The following SAMD12 variants were observed in gnomAD, a reference collection of about 807,000 sequenced individuals.
The protein encoded by SAMD12 is sterile alpha motif domain containing 12.
Under a neutral mutation model 15.0 loss-of-function variants are expected in SAMD12, and 9 were observed. The observed-to-expected ratio is 0.60, with a 90% CI of 0.36 to 1.05. The LOEUF (loss-of-function observed/expected upper bound fraction) is 1.05, where lower values mean the gene tolerates loss of function less well. Ranked by LOEUF, SAMD12 falls within the 50% of genes least tolerant of loss-of-function variation. SAMD12 has a pLI of 0.01. For synonymous variants in SAMD12, 86 were observed against 90.1 expected (o/e 0.96, Z 0.25); for missense variants, 230 against 234.2 (o/e 0.98, Z 0.12).
At chr8:118,336,970 T>G (rs969124385) in intron 4 of SAMD12, among the ~76,000 whole-genome samples, 1 of 152,020 alleles carries the variant, frequency 6.6e-6, no homozygotes, top group Non-Finnish European at 1.5e-5. Context: ...ATGAGAGCAC[T>G]TGGACACAGG....
chr8:118,294,799 T>C (rs896744051), intron 4 of SAMD12, among the ~76,000 whole-genome samples: 5 of 152,232 alleles, frequency 3.3e-5, no homozygotes, highest in East Asian at 1.9e-4. Context: ...TCTCCTGTTA[T>C]GTGCTCTCTG....
At chr8:118,248,880 C>T (rs984099023) in intron 4 of SAMD12, among the ~76,000 whole-genome samples, 11 of 152,148 alleles carry the variant, frequency 7.2e-5, no homozygotes, top group African/African-American at 2.7e-4. Context: ...TAGGGACCAT[C>T]AGCTGAACAG....
At chr8:118,536,437 TACACAAACACACACAC>T (rs1189038355) in intron 2 of SAMD12, among the ~76,000 whole-genome samples, 3 of 128,172 alleles carry the variant, frequency 2.3e-5, no homozygotes, top group Admixed American at 7.6e-5. Flanking sequence ...TGTAGACTGA[TACACAAACACACACAC>T]ACACACACAC....
chr8:118,281,470 G>T (rs991315408), intron 4 of SAMD12, among the ~76,000 whole-genome samples: 13 of 152,174 alleles, frequency 8.5e-5, no homozygotes, highest in Non-Finnish European at 1.3e-4. Flanking sequence ...TCCAGAACAG[G>T]TATACAATCA....
At chr8:118,240,493 G>A (rs1220151687) in intron 4 of SAMD12, among the ~76,000 whole-genome samples, 1 of 152,008 alleles carries the variant, frequency 6.6e-6, no homozygotes, top group Non-Finnish European at 1.5e-5. Flanking sequence ...TGTAACCTCG[G>A]GCAACTCATT....
At chr8:118,520,469 T>C (rs1373991754) in intron 2 of SAMD12, among the ~76,000 whole-genome samples, 1 of 152,092 alleles carries the variant, frequency 6.6e-6, no homozygotes, top group Non-Finnish European at 1.5e-5. Flanking sequence ...AGGATGAGGA[T>C]AAAGCGGGTA....
intron 2 of SAMD12, among the ~76,000 whole-genome samples, chr8:118,460,144 T>A (rs1162610202): frequency 6.6e-6 from 1 of 152,216 alleles, no homozygotes; most frequent in South Asian, 2.1e-4. Flanking sequence ...TCACAAAGGA[T>A]CCATTCCCTC....
At chr8:118,443,346 C>A (rs1028219676) in intron 2 of SAMD12, among the ~76,000 whole-genome samples, 10 of 152,116 alleles carry the variant, frequency 6.6e-5, no homozygotes, top group African/African-American at 2.2e-4. Flanking sequence ...CACCTGTAAT[C>A]CCAGCTACGC....
intron 2 of SAMD12, among the ~76,000 whole-genome samples, chr8:118,491,103 T>C (rs924061199): frequency 6.6e-6 from 1 of 152,132 alleles, no homozygotes; most frequent in African/African-American, 2.4e-5. Context: ...TGTCCACCTG[T>C]CCAATGCATC....
At chr8:118,454,105 G>C (rs1163669478) in intron 2 of SAMD12, among the ~76,000 whole-genome samples, 1 of 152,094 alleles carries the variant, frequency 6.6e-6, no homozygotes, top group Non-Finnish European at 1.5e-5. Flanking sequence ...CTCTTTGCTG[G>C]AACATATTCA....
intron 3 of SAMD12, among the ~76,000 whole-genome samples, chr8:118,407,660 C>T (rs1038226968): frequency 5.9e-5 from 9 of 152,150 alleles, no homozygotes; most frequent in Non-Finnish European, 1.3e-4. Flanking sequence ...TTTGGAAAGA[C>T]AGTCAGTGAA....
intron 1 of SAMD12, among the ~76,000 whole-genome samples, chr8:118,587,735 A>G (rs1238295475): frequency 6.6e-6 from 1 of 152,216 alleles, no homozygotes; most frequent in African/African-American, 2.4e-5. Flanking sequence ...CTCTGACATC[A>G]TTGGGCTACT....
chr8:118,501,170 A>G (rs1824771695), intron 2 of SAMD12, among the ~76,000 whole-genome samples: 1 of 152,110 alleles, frequency 6.6e-6, no homozygotes, highest in Admixed American at 6.5e-5. Context: ...CCCTTTACCT[A>G]TTCTCTCTTC....
intron 4 of SAMD12, among the ~76,000 whole-genome samples, chr8:118,297,647 C>T (rs1212635045): frequency 2.0e-5 from 3 of 152,068 alleles, no homozygotes; most frequent in African/African-American, 4.8e-5. Flanking sequence ...GTCACAGGAA[C>T]GGCAGTGTTA....
intron 4 of SAMD12, among the ~76,000 whole-genome samples, chr8:118,272,416 T>A (rs1032033198): frequency 2.6e-5 from 4 of 152,132 alleles, no homozygotes; most frequent in African/African-American, 9.7e-5. Flanking sequence ...GGGCCTGTGA[T>A]GGGAGGGGCT....
At chr8:118,213,417 G>A (rs1724814966) in intron 4 of SAMD12, among the ~76,000 whole-genome samples, 1 of 152,220 alleles carries the variant, frequency 6.6e-6, no homozygotes, top group Non-Finnish European at 1.5e-5. Context: ...GAGGGCAACT[G>A]AGGTTATTCC....
At chr8:118,243,194 A>G (rs1317764874) in intron 4 of SAMD12, among the ~76,000 whole-genome samples, 1 of 152,168 alleles carries the variant, frequency 6.6e-6, no homozygotes, top group African/African-American at 2.4e-5. Context: ...ATGAAAAACG[A>G]TGAGGTCTTA....
At chr8:118,170,641 C>T in the SAMD12 span, among the ~76,000 whole-genome samples, 1 of 152,092 alleles carries the variant, frequency 6.6e-6, no homozygotes, top group African/African-American at 2.4e-5. Flanking sequence ...AAAACAATAA[C>T]ATGGGACTCT....
intron 2 of SAMD12, among the ~76,000 whole-genome samples, chr8:118,478,771 C>T (rs1824038595): frequency 1.3e-5 from 2 of 152,184 alleles, no homozygotes; most frequent in African/African-American, 4.8e-5. Context: ...TCACAGTCTC[C>T]ACTGCATTGA....
Sources: gnomAD v4.1 joint callset for allele counts (sites outside exome capture counted in the v4.1 genomes callset) on GRCh38, gnomAD v4.1.1 for gene constraint, MANE v1.5 for transcripts, NCBI Gene and HGNC (gene_info 2026-07-23, HGNC 2026-07-21) for gene names.